Variants in TMPRSS11D observed in about 807,000 individuals in gnomAD.
TMPRSS11D encodes the protein transmembrane serine protease 11D, also known as transmembrane protease serine 11D.
In TMPRSS11D, 32 loss-of-function variants were observed where a neutral mutation model predicts 44.4. The observed-to-expected ratio is 0.72, with a 90% CI of 0.54 to 0.97. The LOEUF is 0.97. Ranked by LOEUF, TMPRSS11D falls within the 50% of genes least tolerant of loss-of-function variation. The pLI is 0.00. For missense variants in TMPRSS11D, 446 were observed against 502.6 expected, an observed-to-expected ratio of 0.89 and a Z score of 1.08; for synonymous variants, 179 against 177.9, an observed-to-expected ratio of 1.01 and a Z score of -0.05.
chr4:67,851,524 C>T lies in TMPRSS11D; in HGVS notation c.249+2544G>A, dbSNP rs139754687. On this transcript the variant is annotated intron_variant, in intron 3 of 9. Transcript: ENST00000283916. Reference sequence around the variant, plus strand: ...GGGAGGCGCACCTCCTAGCCTCACCCGGACTATAAATCTGAAGCAGCGTGT... The same window carrying T: ...GGGAGGCGCACCTCCTAGCCTCACCTGGACTATAAATCTGAAGCAGCGTGT... Among the ~76,000 whole-genome samples the T allele has an allele frequency of 3.0e-3, 451 of 152,296 alleles. 3 individuals carry two copies. The highest frequency in any genetic ancestry group is 0.01 in the African/African-American group (426 of 41,554).
At chr4:67,872,047 T>G (rs932823018) in intron 1 of TMPRSS11D, among the ~76,000 whole-genome samples, 4 of 152,088 alleles carry the variant, frequency 2.6e-5, no homozygotes, top group Non-Finnish European at 5.9e-5. Flanking sequence ...TTAATGTTAG[T>G]TAGGGATAGC....
intron 8 of TMPRSS11D, among the ~76,000 whole-genome samples, chr4:67,826,669 C>T (rs1717799286): frequency 1.3e-5 from 2 of 151,680 alleles, no homozygotes; most frequent in Non-Finnish European, 2.9e-5. Context: ...CTAAATCCTC[C>T]CATTGCTTTG....
chr4:67,877,069 G>A (rs1301720941), intron 1 of TMPRSS11D, among the ~76,000 whole-genome samples: 1 of 152,096 alleles, frequency 6.6e-6, no homozygotes, highest in Admixed American at 6.6e-5. Context: ...GCTGAGGTGT[G>A]GTAACTTGAA....
At chr4:67,848,152 T>A (rs946966290) in intron 3 of TMPRSS11D, among the ~76,000 whole-genome samples, 1 of 152,228 alleles carries the variant, frequency 6.6e-6, no homozygotes, top group Non-Finnish European at 1.5e-5. Flanking sequence ...CCATTCAATA[T>A]ATTTTGGGAA....
intron 1 of TMPRSS11D, among the ~76,000 whole-genome samples, chr4:67,880,288 A>G (rs1719289876): frequency 6.6e-6 from 1 of 152,224 alleles, no homozygotes; most frequent in Non-Finnish European, 1.5e-5. Context: ...GTTTAATAAT[A>G]AAAAATTAAA....
At chr4:67,883,810 G>T in intron 1 of TMPRSS11D, 116 bp downstream of exon 1, 1 of 709,106 alleles carries the variant, frequency 1.4e-6, no homozygotes, top group Non-Finnish European at 2.3e-6. Flanking sequence ...AGTTTTCAGA[G>T]AAGTAACTAG....
chr4:67,843,783 C>T (rs140314791), intron 3 of TMPRSS11D, among the ~76,000 whole-genome samples: 5,316 of 152,102 alleles, frequency 0.035, 105 homozygotes, highest in Middle Eastern at 0.058. Flanking sequence ...ATTAGCTAGG[C>T]GTGGTGGCAA....
chr4:67,831,280 T>C (rs1241363850), intron 7 of TMPRSS11D, among the ~76,000 whole-genome samples: 2 of 152,110 alleles, frequency 1.3e-5, no homozygotes, highest in African/African-American at 4.8e-5. Flanking sequence ...ACCTCATCAC[T>C]TCTATGTACT....
intron 3 of TMPRSS11D, 73 bp from the exon 4 acceptor site, chr4:67,842,698 A>C: frequency 1.5e-6 from 2 of 1,346,786 alleles, no homozygotes; most frequent in Non-Finnish European, 2.1e-6. Flanking sequence ...ACCTTGCAAC[A>C]TGAGACATGT....
chr4:67,858,362 A>T (rs1380984594), intron 2 of TMPRSS11D, among the ~76,000 whole-genome samples: 3 of 152,186 alleles, frequency 2.0e-5, no homozygotes, highest in African/African-American at 7.2e-5. Flanking sequence ...TGTCATTAAG[A>T]GTGAAAATTC....
intron 2 of TMPRSS11D, among the ~76,000 whole-genome samples, chr4:67,854,539 T>C (rs1403978617): frequency 6.6e-6 from 1 of 152,158 alleles, no homozygotes; most frequent in Non-Finnish European, 1.5e-5. Context: ...TATTATTTAT[T>C]TATCATTAAG....
At chr4:67,861,952 G>A (rs1002970838) in intron 1 of TMPRSS11D, among the ~76,000 whole-genome samples, 14 of 152,160 alleles carry the variant, frequency 9.2e-5, no homozygotes, top group African/African-American at 2.9e-4. Context: ...CTCTAAATAT[G>A]TTTGTAAACA....
chr4:67,822,522 T>TAA (rs1221761485), intron 9 of TMPRSS11D, 24 bp from the exon 10 acceptor site: 2 of 1,613,196 alleles, frequency 1.2e-6, no homozygotes, highest in African/African-American at 2.7e-5. Context: ...GAATGACTGA[T>TAA]TACTTAAGTG....
At chr4:67,859,514 T>C (rs199619668) in intron 2 of TMPRSS11D, 43 bp downstream of exon 2, 4 of 1,591,172 alleles carry the variant, frequency 2.5e-6, no homozygotes, top group Non-Finnish European at 3.4e-6. Context: ...TGAAATTGTA[T>C]GTAGCTATTA....
In TMPRSS11D at chr4:67,881,214, T is replaced by G. The variant is rs74316172; in HGVS notation, c.8+2712A>C. Among the ~76,000 whole-genome samples the G allele has an allele frequency of 3.9e-3, 601 of 152,292 alleles. 5 individuals are homozygous for G. The highest frequency in any genetic ancestry group is 0.014 in the African/African-American group (565 of 41,570). ...ATTGAATGAATCCCTTCCTTATGACTTATTTTAGGGGTGCCAGTCATAGCA... is the reference window on the plus strand; with the variant it reads ...ATTGAATGAATCCCTTCCTTATGACGTATTTTAGGGGTGCCAGTCATAGCA... On this transcript the variant is annotated intron_variant, in intron 1 of 9. Coordinates refer to ENST00000283916, the MANE Select transcript of TMPRSS11D (RefSeq NM_004262.3).
intron 7 of TMPRSS11D, 124 bp from the exon 8 acceptor site, chr4:67,827,644 T>A (rs1717837474): frequency 1.2e-5 from 13 of 1,071,910 alleles, no homozygotes; most frequent in Non-Finnish European, 1.7e-5. Flanking sequence ...CTTTGCTATA[T>A]TTTCCTGCAT....
intron 1 of TMPRSS11D, 42 bp from the exon 2 acceptor site, chr4:67,859,720 G>C (rs1235958499): frequency 6.2e-7 from 1 of 1,607,648 alleles, no homozygotes; most frequent in Non-Finnish European, 8.5e-7. Context: ...TCATTTCACT[G>C]ATTTCATCCA....
chr4:67,858,969 A>G (rs1173690187), intron 2 of TMPRSS11D, among the ~76,000 whole-genome samples: 3 of 152,172 alleles, frequency 2.0e-5, no homozygotes. Context: ...AAAACAAAAG[A>G]GACAACTAAA....
At chr4:67,862,078 T>C (rs1193684878) in intron 1 of TMPRSS11D, among the ~76,000 whole-genome samples, 2 of 152,138 alleles carry the variant, frequency 1.3e-5, no homozygotes, top group African/African-American at 4.8e-5. Context: ...AAAGCAAATA[T>C]TCTATTGTGA....
Sources: gnomAD v4.1 joint callset for allele counts (sites outside exome capture counted in the v4.1 genomes callset) on GRCh38, gnomAD v4.1.1 for gene constraint, MANE v1.5 for transcripts, NCBI Gene and HGNC (gene_info 2026-07-23, HGNC 2026-07-21) for gene names.